The following IPO11 variants were observed in gnomAD, a reference collection of about 807,000 sequenced individuals.
The protein encoded by IPO11 is importin 11.
A neutral mutation model predicts 143.2 loss-of-function variants in IPO11; 66 were observed. The ratio of observed to expected loss-of-function variants is 0.46; its 90% CI spans 0.38 to 0.57. IPO11 has a LOEUF of 0.57. Among genes scored for constraint, IPO11 ranks in the 20% least tolerant of loss-of-function variants. The pLI, the probability that IPO11 is intolerant of heterozygous loss-of-function variation, is 0.00. For synonymous variants in IPO11, 385 were observed against 377.8 expected, an observed-to-expected ratio of 1.02 and a Z score of -0.22; for missense variants, 1,026 against 1,141.0, an observed-to-expected ratio of 0.90 and a Z score of 1.45.
intron 16 of IPO11, among the ~76,000 whole-genome samples, chr5:62,504,147 A>C (rs549212433): frequency 1.6e-4 from 24 of 152,256 alleles, no homozygotes; most frequent in African/African-American, 5.5e-4. Context: ...GCATATGTAA[A>C]CCTTTCTGTA....
At chr5:62,578,678 A>G in intron 27 of IPO11, 2 of 467,802 alleles carry the variant, frequency 4.3e-6, no homozygotes, top group South Asian at 3.1e-5. Flanking sequence ...TTTGAAACAC[A>G]GATAAAATTA....
intron 16 of IPO11, among the ~76,000 whole-genome samples, chr5:62,498,828 C>T (rs2112251053): frequency 1.3e-5 from 2 of 152,268 alleles, no homozygotes; most frequent in Middle Eastern, 6.8e-3. Context: ...CGAGATCAAA[C>T]CACCATACTC....
intron 24 of IPO11, among the ~76,000 whole-genome samples, chr5:62,545,622 G>A (rs1025594093): frequency 1.3e-5 from 2 of 152,098 alleles, no homozygotes; most frequent in Non-Finnish European, 2.9e-5. Context: ...ACTAAAGAGC[G>A]CTTCTGCACA....
At chr5:62,492,854 A>T (rs1375629729) in intron 15 of IPO11, among the ~76,000 whole-genome samples, 1 of 152,018 alleles carries the variant, frequency 6.6e-6, no homozygotes, top group Non-Finnish European at 1.5e-5. Context: ...TGCAACTTTA[A>T]TGAGCAGTTT....
At chr5:62,615,174 A>G (rs1252070366) in intron 29 of IPO11, among the ~76,000 whole-genome samples, 1 of 152,146 alleles carries the variant, frequency 6.6e-6, no homozygotes, top group Non-Finnish European at 1.5e-5. Flanking sequence ...GTTCCCATTT[A>G]GGGCCTCGAG....
At chr5:62,472,149 A>G (rs1373037312) in intron 7 of IPO11, among the ~76,000 whole-genome samples, 1 of 152,226 alleles carries the variant, frequency 6.6e-6, no homozygotes, top group Non-Finnish European at 1.5e-5. Context: ...GGAGCTTGGA[A>G]CAGTCTTTTC....
intron 24 of IPO11, among the ~76,000 whole-genome samples, chr5:62,539,629 A>G (rs1260124951): frequency 6.6e-6 from 1 of 152,144 alleles, no homozygotes; most frequent in Non-Finnish European, 1.5e-5. Flanking sequence ...GAGACCCTGG[A>G]TACTTGAGGC....
chr5:62,530,873 A>G (rs1300120101), intron 22 of IPO11, 88 bp downstream of exon 22: 3 of 960,656 alleles, frequency 3.1e-6, no homozygotes, highest in Non-Finnish European at 5.0e-6. Context: ...CATTACAACA[A>G]AGTTGTAAGT....
chr5:62,464,456 G>C (rs1202982134), intron 5 of IPO11, among the ~76,000 whole-genome samples: 1 of 151,332 alleles, frequency 6.6e-6, no homozygotes, highest in Non-Finnish European at 1.5e-5. Context: ...TTTTATTGTT[G>C]TTGTTTTCTT....
rs539869420 is a variant in IPO11 at position 62,498,662 on chromosome 5, G to A, written c.1590+4538G>A. Among the ~76,000 whole-genome samples, 38 of 152,270 alleles carry A rather than the reference G, an allele frequency of 2.5e-4. 1 individual carries two copies. The South Asian group carries it at 2.9e-3, about 12-fold the overall frequency. On this transcript the variant is annotated intron_variant, in intron 16 of 29. Coordinates refer to ENST00000325324, the MANE Select transcript of IPO11 (RefSeq NM_016338.5). The stretch of plus-strand genomic sequence containing the variant: ...CCAGCACTTTGAGAGGCCAAAGTGG[G>A]TGGATCACCTGAGCCTGGCCAACAT...
At chr5:62,546,129 C>G (rs980630371) in intron 24 of IPO11, among the ~76,000 whole-genome samples, 17 of 152,168 alleles carry the variant, frequency 1.1e-4, no homozygotes, top group Non-Finnish European at 2.5e-4. Context: ...TATCATGCTG[C>G]TATAAAGACA....
intron 20 of IPO11, among the ~76,000 whole-genome samples, chr5:62,525,361 T>C (rs1179146590): frequency 6.7e-6 from 1 of 148,866 alleles, no homozygotes; most frequent in Admixed American, 6.7e-5. Flanking sequence ...CCATCCTTTT[T>C]TTTTTTTTGT....
At chr5:62,442,265 A>G (rs1421989916) in intron 2 of IPO11, among the ~76,000 whole-genome samples, 1 of 152,182 alleles carries the variant, frequency 6.6e-6, no homozygotes, top group Admixed American at 6.6e-5. Context: ...TCTATGCTGT[A>G]GTGGGCCTAC....
At chr5:62,535,056 A>T (rs1317958242) in intron 22 of IPO11, among the ~76,000 whole-genome samples, 3 of 82,758 alleles carry the variant, frequency 3.6e-5, no homozygotes, top group African/African-American at 1.5e-4. Context: ...TATTTATTTG[A>T]TGATGATAAC....
At chr5:62,530,956 T>C (rs963268640) in intron 22 of IPO11, among the ~76,000 whole-genome samples, 171 bp downstream of exon 22, 1 of 152,204 alleles carries the variant, frequency 6.6e-6, no homozygotes, top group Non-Finnish European at 1.5e-5. Context: ...ATGTTGAGGT[T>C]TGGGGTACAA....
In IPO11 at chr5:62,592,462, G is replaced by T. The variant is rs75679895; in HGVS notation, c.2678+790G>T. ...TTAGCTTTTGAGAAAACTGGAGTTT[G>T]TATGAAGTGGAAACATCAAATTTTT... On this transcript the variant is annotated intron_variant, in intron 28 of 29. Transcript: ENST00000325324. Among the ~76,000 whole-genome samples the T allele has an allele frequency of 7.0e-3, 1,073 of 152,254 alleles. 14 individuals are homozygous for T. The highest frequency in any genetic ancestry group is 0.024 in the African/African-American group (1,008 of 41,556).
At chr5:62,578,635 A>G (rs1291577108) in intron 27 of IPO11, 1 of 462,030 alleles carries the variant, frequency 2.2e-6, no homozygotes, top group Non-Finnish European at 4.5e-6. Flanking sequence ...ATTCTGAAAA[A>G]ATAAGTTCCT....
At chr5:62,571,149 C>T (rs1347087352) in intron 27 of IPO11, among the ~76,000 whole-genome samples, 1 of 152,016 alleles carries the variant, frequency 6.6e-6, no homozygotes, top group Non-Finnish European at 1.5e-5. Context: ...CGAGGAACAT[C>T]TTTTTTGTTT....
intron 8 of IPO11, among the ~76,000 whole-genome samples, chr5:62,475,891 A>G (rs1745941048): frequency 6.6e-6 from 1 of 152,204 alleles, no homozygotes; most frequent in Admixed American, 6.5e-5. Context: ...ATTTGGACAT[A>G]CACATGTGTG....
Sources: gnomAD v4.1 joint callset for allele counts (sites outside exome capture counted in the v4.1 genomes callset) on GRCh38, gnomAD v4.1.1 for gene constraint, MANE v1.5 for transcripts, NCBI Gene and HGNC (gene_info 2026-07-23, HGNC 2026-07-21) for gene names.